MUSK: variants seen among roughly 807,000 people sequenced by gnomAD.
MUSK encodes the protein muscle, skeletal receptor tyrosine-protein kinase.
MUSK carries 55 observed loss-of-function variants against 88.7 expected under a neutral mutation model. The ratio of observed to expected loss-of-function variants is 0.62; its 90% CI spans 0.50 to 0.78. MUSK has a LOEUF of 0.78. Ranked by LOEUF, MUSK falls within the 30% of genes least tolerant of loss-of-function variation. MUSK has a pLI of 0.00. For missense variants in MUSK, 1,015 were observed against 1,074.3 expected, an observed-to-expected ratio of 0.94 and a Z score of 0.77; for synonymous variants, 387 against 391.9, an observed-to-expected ratio of 0.99 and a Z score of 0.15.
intron 4 of MUSK, among the ~76,000 whole-genome samples, chr9:110,697,042 T>C (rs1015126462): frequency 1.3e-5 from 2 of 148,210 alleles, no homozygotes; most frequent in African/African-American, 4.9e-5. Context: ...ATATATATAT[T>C]ATACATATAC....
At position 110,801,393 on chromosome 9, in the gene MUSK, G is replaced by A. The variant is rs2078096224; in HGVS notation, c.*405G>A. ...AATTGAGTTAATTCCTGTCCATTGT[G>A]AAAGTAGCTTAATCGTCATGTAAGA... On this transcript the variant is annotated 3_prime_UTR_variant, in exon 15 of 15. Coordinates refer to ENST00000374448, the MANE Select transcript of MUSK (RefSeq NM_005592.4). 1 of 156,208 alleles carries A rather than the reference G, an allele frequency of 6.4e-6. No individual in the cohort carries two copies. The allele number at this position is 156,208 out of a possible 1,614,324, so 9.7% of individuals were successfully genotyped here.
Position 110,800,293 on chromosome 9 carries a change from C to G in MUSK, c.1928-13C>G, listed in dbSNP as rs779820360. On this transcript the variant is annotated splice_polypyrimidine_tract_variant and intron_variant, in intron 14 of 14. Coordinates refer to ENST00000374448, the MANE Select transcript of MUSK (RefSeq NM_005592.4). ...AGAAACTGAGACTAACAGGGATGGT[C>G]TTTTGGTTCCAGGAGTGTGTGCTGT... The G allele has an allele frequency of 6.3e-7, 1 of 1,579,624 alleles. No individual in the cohort carries two copies.
intron 1 of MUSK, among the ~76,000 whole-genome samples, chr9:110,669,505 A>G (rs2131615694): frequency 6.6e-6 from 1 of 152,338 alleles, no homozygotes; most frequent in East Asian, 1.9e-4. Context: ...TGCCTGTGTA[A>G]CAAACCCGGA....
At chr9:110,714,300 C>T (rs2076716581) in intron 5 of MUSK, among the ~76,000 whole-genome samples, 2 of 152,126 alleles carry the variant, frequency 1.3e-5, no homozygotes, top group South Asian at 4.1e-4. Context: ...CTTGCTCGTA[C>T]CCACTATTCA....
intron 14 of MUSK, among the ~76,000 whole-genome samples, chr9:110,790,006 A>G (rs530842135): frequency 7.0e-4 from 106 of 152,352 alleles, no homozygotes; most frequent in Middle Eastern, 6.8e-3. Flanking sequence ...TCCAAGGACC[A>G]AGGCCTGGAG....
chr9:110,687,760 C>T (rs572628744), intron 3 of MUSK, among the ~76,000 whole-genome samples: 1 of 152,188 alleles, frequency 6.6e-6, no homozygotes, highest in Non-Finnish European at 1.5e-5. Context: ...CTTATGCCTG[C>T]TATCAACCAC....
chr9:110,787,627 G>C, intron 13 of MUSK, 63 bp from the exon 14 acceptor site: 2 of 1,528,984 alleles, frequency 1.3e-6, no homozygotes, highest in Non-Finnish European at 1.8e-6. Context: ...TATAAATGTG[G>C]GTAGGTATAA....
At chr9:110,678,142 T>C (rs1355712298) in intron 1 of MUSK, among the ~76,000 whole-genome samples, 1 of 152,100 alleles carries the variant, frequency 6.6e-6, no homozygotes, top group Non-Finnish European at 1.5e-5. Context: ...GACAAGGTCT[T>C]TCTCTGTCAC....
intron 14 of MUSK, among the ~76,000 whole-genome samples, chr9:110,797,154 T>G: frequency 2.5e-5 from 1 of 40,752 alleles, no homozygotes; most frequent in Non-Finnish European, 4.8e-5. Context: ...AATAAATGCA[T>G]GAATACCCAA....
chr9:110,733,018 T>C (rs2076984516), intron 5 of MUSK, among the ~76,000 whole-genome samples: 1 of 152,142 alleles, frequency 6.6e-6, no homozygotes, highest in South Asian at 2.1e-4. Context: ...TCTCCTTATG[T>C]AGCACATGTG....
chr9:110,777,294 A>G (rs1334816374), intron 11 of MUSK, among the ~76,000 whole-genome samples: 1 of 152,074 alleles, frequency 6.6e-6, no homozygotes, highest in Non-Finnish European at 1.5e-5. Context: ...TTTTCATGTC[A>G]ACTAACTTCC....
At chr9:110,773,872 G>A (rs1588022699) in intron 9 of MUSK, among the ~76,000 whole-genome samples, 1 of 152,116 alleles carries the variant, frequency 6.6e-6, no homozygotes, top group East Asian at 1.9e-4. Flanking sequence ...CCAGATTGTA[G>A]AAAGATTATT....
At chr9:110,697,284 A>G in intron 4 of MUSK, 41 bp from the exon 5 acceptor site, 1 of 1,606,004 alleles carries the variant, frequency 6.2e-7, no homozygotes, top group Non-Finnish European at 8.5e-7. Context: ...TCCTTGATAG[A>G]CCCATAAACA....
At position 110,802,528 on chromosome 9, in the gene MUSK, G is replaced by A. The variant is rs1290913332; in HGVS notation, c.*1540G>A. Among the ~76,000 whole-genome samples, 2 of 152,194 alleles carry A rather than the reference G, an allele frequency of 1.3e-5. No individual in the cohort carries two copies. The highest frequency in any genetic ancestry group is 2.9e-5 in the Non-Finnish European group (2 of 68,026). ...CCTGAAATCCCCAAATCTGCCTCAT[G>A]TAACAGCTTGACATCTTTGGTGGGA... On this transcript the variant is annotated 3_prime_UTR_variant, in exon 15 of 15. Coordinates refer to ENST00000374448, the MANE Select transcript of MUSK (RefSeq NM_005592.4).
chr9:110,779,877 CTTTTCT>C (rs1338525758), intron 11 of MUSK, among the ~76,000 whole-genome samples: 2 of 152,106 alleles, frequency 1.3e-5, no homozygotes, highest in African/African-American at 4.8e-5. Flanking sequence ...ATCCAAGACA[CTTTTCT>C]TTTTATATGA....
intron 1 of MUSK, among the ~76,000 whole-genome samples, chr9:110,672,289 G>A (rs1196032744): frequency 1.3e-5 from 2 of 152,180 alleles, no homozygotes; most frequent in African/African-American, 2.4e-5. Context: ...TAACAAGTGA[G>A]GGGTGGAAAG....
intron 1 of MUSK, among the ~76,000 whole-genome samples, chr9:110,673,199 T>G (rs959144850): frequency 2.0e-5 from 3 of 152,212 alleles, no homozygotes; most frequent in African/African-American, 7.2e-5. Flanking sequence ...GATATTGATG[T>G]ACATCTTCTC....
At chr9:110,740,519 A>G (rs1372670420) in intron 6 of MUSK, among the ~76,000 whole-genome samples, 5 of 152,108 alleles carry the variant, frequency 3.3e-5, no homozygotes, top group African/African-American at 1.2e-4. Flanking sequence ...TCTTTTATAG[A>G]CCATTATAAG....
At chr9:110,691,199 TG>T (rs1311713718) in intron 3 of MUSK, among the ~76,000 whole-genome samples, 4 of 152,128 alleles carry the variant, frequency 2.6e-5, no homozygotes, top group African/African-American at 9.7e-5. Flanking sequence ...GACTCACTCT[TG>T]GCCTTGTCAC....
Sources: allele counts gnomAD v4.1 joint callset (sites outside exome capture counted in the v4.1 genomes callset), GRCh38; gene constraint gnomAD v4.1.1; transcripts MANE v1.5; gene names NCBI Gene and HGNC (gene_info 2026-07-23, HGNC 2026-07-21).